The following SCFD1 variants were observed in gnomAD, a reference collection of about 807,000 sequenced individuals.
The protein encoded by SCFD1 is sec1 family domain containing 1, also known as sec1 family domain-containing protein 1.
In SCFD1, 37 loss-of-function variants were observed where a neutral mutation model predicts 103.2. The observed-to-expected ratio is 0.36, with a 90% CI of 0.28 to 0.47. SCFD1 has a LOEUF of 0.47. Ranked by LOEUF, SCFD1 falls within the 20% of genes least tolerant of loss-of-function variation. SCFD1 has a pLI of 1.00. For missense variants in SCFD1, 639 were observed against 761.2 expected (o/e 0.84, Z 1.89); for synonymous variants, 264 against 245.0 (o/e 1.08, Z -0.73).
At chr14:30,658,564 T>C (rs1887132035) in intron 10 of SCFD1, among the ~76,000 whole-genome samples, 3 of 152,060 alleles carry the variant, frequency 2.0e-5, no homozygotes, top group African/African-American at 7.2e-5. Flanking sequence ...GGCTAATTTT[T>C]GTATGTTTAA....
At chr14:30,702,937 G>A (rs1052522991) in intron 17 of SCFD1, among the ~76,000 whole-genome samples, 1 of 151,960 alleles carries the variant, frequency 6.6e-6, no homozygotes, top group Non-Finnish European at 1.5e-5. Context: ...CAACCTAAAT[G>A]TCTAGCAGTA....
chr14:30,713,356 T>TA (rs1000070975), intron 19 of SCFD1, among the ~76,000 whole-genome samples: 4 of 151,898 alleles, frequency 2.6e-5, no homozygotes, highest in African/African-American at 9.7e-5. Context: ...TATTTGGTTG[T>TA]AAAAACCAGA....
chr14:30,632,134 C>G (rs1248304556), intron 3 of SCFD1, among the ~76,000 whole-genome samples: 1 of 150,266 alleles, frequency 6.7e-6, no homozygotes, highest in East Asian at 1.9e-4. Flanking sequence ...CTAAAAGAGT[C>G]CAATTTTATG....
In SCFD1 at chr14:30,667,940, A is replaced by G. The variant is rs537395855; in HGVS notation, c.856-2316A>G. On this transcript the variant is annotated intron_variant, in intron 10 of 24. Transcript: ENST00000458591. ...ATGGAAGAACATTCCATGCTCATGG[A>G]TAGGAAGAATCAATATCGTGAAAAC... 4.6e-5 allele frequency among the ~76,000 whole-genome samples: 7 copies of G among 152,328 alleles called. No homozygotes were observed. The South Asian group carries it at 8.3e-4, about 18-fold the overall frequency.
At chr14:30,655,657 C>A (rs1464960744) in intron 10 of SCFD1, among the ~76,000 whole-genome samples, 1 of 152,088 alleles carries the variant, frequency 6.6e-6, no homozygotes, top group African/African-American at 2.4e-5. Context: ...TTTATACTGA[C>A]TGTAGAGTAT....
chr14:30,660,829 A>G (rs1256920393), intron 10 of SCFD1, among the ~76,000 whole-genome samples: 1 of 152,116 alleles, frequency 6.6e-6, no homozygotes, highest in Non-Finnish European at 1.5e-5. Flanking sequence ...TTTTTGGCCT[A>G]TCATGTTGGC....
chr14:30,720,931 AG>A (rs1479640803), intron 21 of SCFD1, among the ~76,000 whole-genome samples: 2 of 152,188 alleles, frequency 1.3e-5, no homozygotes, highest in Non-Finnish European at 2.9e-5. Flanking sequence ...GTAATGAGGA[AG>A]AATATTAGCA....
chr14:30,678,496 T>C (rs375262166), intron 14 of SCFD1, among the ~76,000 whole-genome samples: 1 of 152,222 alleles, frequency 6.6e-6, no homozygotes, highest in East Asian at 1.9e-4. Flanking sequence ...ACCCTTTCTT[T>C]AGTTGTTTTT....
At chr14:30,655,358 G>A (rs1234730837) in intron 10 of SCFD1, among the ~76,000 whole-genome samples, 1 of 152,092 alleles carries the variant, frequency 6.6e-6, no homozygotes, top group Non-Finnish European at 1.5e-5. Flanking sequence ...AAGAGAAGCA[G>A]GAGAAAAGGT....
chr14:30,679,357 T>C (rs1357540873), intron 14 of SCFD1, among the ~76,000 whole-genome samples: 1 of 152,136 alleles, frequency 6.6e-6, no homozygotes, highest in Non-Finnish European at 1.5e-5. Context: ...AACATGATGG[T>C]TTAAATAAAT....
At position 30,667,880 on chromosome 14, in the gene SCFD1, C is replaced by T. The variant is rs138200061; in HGVS notation, c.856-2376C>T. Among the ~76,000 whole-genome samples, 556 of 152,236 alleles carry T rather than the reference C, an allele frequency of 3.7e-3. 7 individuals are homozygous for T. Among genetic ancestry groups the T allele is most frequent in the African/African-American group, 0.013 (526 of 41,536 alleles). ...GGACCTCTTCAAGGAGAACTACAAACCACTGCTCAACGAAATAAAAGAGGA... is the reference window on the plus strand; with the variant it reads ...GGACCTCTTCAAGGAGAACTACAAATCACTGCTCAACGAAATAAAAGAGGA... On this transcript the variant is annotated intron_variant, in intron 10 of 24. Transcript: ENST00000458591.
Position 30,649,524 on chromosome 14 carries a change from A to G in SCFD1, c.614-4A>G. The G allele has an allele frequency of 2.5e-6, 4 of 1,576,336 alleles. No individual in the cohort carries two copies. The highest frequency in any genetic ancestry group is 2.6e-6 in the Non-Finnish European group (3 of 1,163,570). ...ATCATTTCTAACATTTATTGTTAAA[A>G]TAGGTGCTGTTCCTATAATCAGATG... is the stretch of plus-strand genomic sequence containing the variant. On this transcript the variant is annotated splice_region_variant and splice_polypyrimidine_tract_variant and intron_variant, in intron 7 of 24. Transcript: ENST00000458591.
chr14:30,712,337 G>T (rs551271697), intron 19 of SCFD1, among the ~76,000 whole-genome samples: 1 of 152,002 alleles, frequency 6.6e-6, no homozygotes, highest in Admixed American at 6.6e-5. Flanking sequence ...TGCCAGCTTC[G>T]ACATCAGAGT....
chr14:30,702,916 A>T (rs1409872158), intron 17 of SCFD1, among the ~76,000 whole-genome samples: 1 of 152,150 alleles, frequency 6.6e-6, no homozygotes, highest in Non-Finnish European at 1.5e-5. Flanking sequence ...TAATAATGAA[A>T]TTTTTAAAAG....
At chr14:30,703,957 AT>A (rs1566645976) in intron 17 of SCFD1, among the ~76,000 whole-genome samples, 43 of 51,058 alleles carry the variant, frequency 8.4e-4, no homozygotes, top group African/African-American at 4.9e-3. Flanking sequence ...ATATATATAT[AT>A]ATATAAATAA....
At chr14:30,641,158 G>A (rs1885232240) in intron 6 of SCFD1, among the ~76,000 whole-genome samples, 1 of 152,208 alleles carries the variant, frequency 6.6e-6, no homozygotes, top group South Asian at 2.1e-4. Context: ...TTATCATTAT[G>A]TAATCATATA....
At chr14:30,664,428 C>T (rs1444894895) in intron 10 of SCFD1, among the ~76,000 whole-genome samples, 2 of 152,074 alleles carry the variant, frequency 1.3e-5, no homozygotes, top group East Asian at 1.9e-4. Flanking sequence ...TAGATAAAAC[C>T]ACAAAGATTG....
intron 14 of SCFD1, among the ~76,000 whole-genome samples, chr14:30,691,928 C>T (rs1315457868): frequency 6.5e-5 from 8 of 122,756 alleles, no homozygotes; most frequent in Non-Finnish European, 1.0e-4. Flanking sequence ...TGGCATTTAG[C>T]ATACTTTATT....
At chr14:30,708,127 T>A in intron 19 of SCFD1, 62 bp downstream of exon 19, 2 of 1,053,490 alleles carry the variant, frequency 1.9e-6, no homozygotes, top group Non-Finnish European at 3.0e-6. Context: ...ACAGGCTAAC[T>A]GCTCAGGTAA....
Sources: allele counts gnomAD v4.1 joint callset (sites outside exome capture counted in the v4.1 genomes callset), GRCh38; gene constraint gnomAD v4.1.1; transcripts MANE v1.5; gene names NCBI Gene and HGNC (gene_info 2026-07-23, HGNC 2026-07-21).